The following ALDH1L2 variants were observed in gnomAD, a reference collection of about 807,000 sequenced individuals.
ALDH1L2 encodes mitochondrial 10-formyltetrahydrofolate dehydrogenase.
A neutral mutation model predicts 111.0 loss-of-function variants in ALDH1L2; 91 were observed. That is an observed-to-expected ratio of 0.82 (90% CI 0.69 to 0.98). ALDH1L2 has a LOEUF of 0.98. Ranked by LOEUF, ALDH1L2 falls within the 50% of genes least tolerant of loss-of-function variation. ALDH1L2 has a pLI of 0.00. For missense variants in ALDH1L2, 995 were observed against 1,126.8 expected (o/e 0.88, Z 1.67); for synonymous variants, 374 against 392.6 (o/e 0.95, Z 0.56).
intron 7 of ALDH1L2, 79 bp downstream of exon 7, chr12:105,062,809 G>C: frequency 6.6e-7 from 1 of 1,510,612 alleles, no homozygotes; most frequent in Non-Finnish European, 8.9e-7. Context: ...GCAATGGAGT[G>C]AAAGCTATTC....
At chr12:105,030,838 T>C (rs940112304) in intron 20 of ALDH1L2, among the ~76,000 whole-genome samples, 5 of 152,248 alleles carry the variant, frequency 3.3e-5, no homozygotes, top group African/African-American at 1.2e-4. Context: ...GTAAGTATTC[T>C]TTATTCAGAG....
intron 2 of ALDH1L2, among the ~76,000 whole-genome samples, chr12:105,071,789 A>G (rs926492621): frequency 3.1e-4 from 46 of 148,986 alleles, no homozygotes; most frequent in Non-Finnish European, 5.5e-4. Flanking sequence ...CCCGAGTAGT[A>G]TATATTTAAA....
intron 9 of ALDH1L2, among the ~76,000 whole-genome samples, chr12:105,060,129 T>C (rs540731644): frequency 2.0e-5 from 3 of 151,582 alleles, no homozygotes; most frequent in Non-Finnish European, 4.4e-5. Context: ...AGTAGCCTGA[T>C]AACCCTCATT....
chr12:105,072,928 C>T (rs1240497337), intron 2 of ALDH1L2, among the ~76,000 whole-genome samples: 5 of 152,106 alleles, frequency 3.3e-5, no homozygotes, highest in South Asian at 2.1e-4. Context: ...GAGCCGAGGT[C>T]GTGCCACTGC....
At chr12:105,028,407 C>T (rs1234887185) in intron 21 of ALDH1L2, among the ~76,000 whole-genome samples, 1 of 152,222 alleles carries the variant, frequency 6.6e-6, no homozygotes, top group Non-Finnish European at 1.5e-5. Flanking sequence ...GCCATTGCGC[C>T]TGGCCAAGCC....
At chr12:105,036,074 TTATA>T (rs1365077873) in intron 18 of ALDH1L2, among the ~76,000 whole-genome samples, 1 of 79,886 alleles carries the variant, frequency 1.3e-5, no homozygotes, top group Non-Finnish European at 2.1e-5. Context: ...ATACGTATAT[TTATA>T]TATGTGTATA....
intron 17 of ALDH1L2, 94 bp downstream of exon 17, chr12:105,039,619 G>A: frequency 1.1e-6 from 1 of 915,336 alleles, no homozygotes; most frequent in African/African-American, 1.6e-5. Flanking sequence ...CAAAGTTGAT[G>A]TAGTTTTTCT....
chr12:105,038,736 C>T (rs1196505497), intron 17 of ALDH1L2, among the ~76,000 whole-genome samples: 2 of 152,044 alleles, frequency 1.3e-5, no homozygotes, highest in Non-Finnish European at 2.9e-5. Flanking sequence ...ATGGTGATTA[C>T]CATTGAAGCT....
intron 12 of ALDH1L2, among the ~76,000 whole-genome samples, chr12:105,051,127 A>C: frequency 6.6e-6 from 1 of 152,184 alleles, no homozygotes; most frequent in Non-Finnish European, 1.5e-5. Context: ...CATCAAGTGG[A>C]TATAAAATGT....
At chr12:105,067,215 CA>C (rs11334156) in intron 4 of ALDH1L2, among the ~76,000 whole-genome samples, 62,828 of 97,532 alleles carry the variant, frequency 0.64, 17,719 homozygotes, top group East Asian at 0.79. Flanking sequence ...GACTCTGTCT[CA>C]AAAAAAAAAA....
rs1592756797 is a variant in ALDH1L2 at position 105,021,496 on chromosome 12, A to G, written c.*2928T>C. Reference sequence around the variant, plus strand: ...CTACTTGGAAGGCTAAGGCATGACAATCGCTTGAACCCAAGAGGCAGAGGT... The same window carrying G: ...CTACTTGGAAGGCTAAGGCATGACAGTCGCTTGAACCCAAGAGGCAGAGGT... On this transcript the variant is annotated 3_prime_UTR_variant, in exon 23 of 23. Transcript: ENST00000258494. The G allele has an allele frequency of 6.6e-6, 1 of 152,106 alleles. No individual in the cohort carries two copies. The highest frequency in any genetic ancestry group is 1.5e-5 in the Non-Finnish European group (1 of 68,158). 9.4% of individuals were successfully genotyped at this position (152,106 alleles called of 1,614,324 possible).
Position 105,040,609 on chromosome 12 carries a change from G to A in ALDH1L2, c.1949C>T (p.Ser650Leu). 1.2e-6 allele frequency: 2 copies of A among 1,614,046 alleles called. No homozygotes were observed. The highest frequency in any genetic ancestry group is 1.7e-6 in the Non-Finnish European group (2 of 1,179,928). The change falls in exon 16 of 23, where the codon TCA becomes TTA. Residue 650 changes from serine (S) to leucine (L), a missense_variant and splice_region_variant. Transcript: ENST00000258494. ...PKGVINIIPGSGGIAGQRLSE... is the reference protein window; with the variant it reads ...PKGVINIIPGLGGIAGQRLSE... ...CAGTCGGTCATTTAGTGGCTTACCT[G>A]AGCCTGGAATGATGTTGATGACCCC...
Position 105,073,895 on chromosome 12 carries a change from T to C in ALDH1L2, c.159A>G (p.Thr53=). 1 of 1,614,178 alleles carries C rather than the reference T, an allele frequency of 6.2e-7. No homozygotes were observed. The highest frequency in any genetic ancestry group is 8.5e-7 in the Non-Finnish European group (1 of 1,180,038). ...KEGHRVVGVF[T]VPDKDGKADP... is the part of the protein sequence containing the mutation. ...CAGCTTTTCCATCCTTGTCTGGAAC[T>C]GTGAACACCCCTACTACTCGGTGGC... The change falls in exon 2 of 23, where the codon ACA becomes ACG. Residue 53 remains threonine (T), a synonymous_variant. Coordinates refer to ENST00000258494, the MANE Select transcript of ALDH1L2 (RefSeq NM_001034173.4).
At chr12:105,026,408 G>A (rs912038518) in intron 22 of ALDH1L2, 137 bp downstream of exon 22, 11 of 877,352 alleles carry the variant, frequency 1.3e-5, no homozygotes, top group Admixed American at 2.7e-5. Context: ...TTTAAAAAAC[G>A]AATGCCCTTC....
intron 18 of ALDH1L2, among the ~76,000 whole-genome samples, chr12:105,035,293 G>A (rs942443422): frequency 2.6e-5 from 4 of 151,988 alleles, no homozygotes; most frequent in African/African-American, 9.7e-5. Context: ...ACATTAGATT[G>A]TATAATCACA....
At chr12:105,058,322 C>T in intron 9 of ALDH1L2, 102 bp from the exon 10 acceptor site, 2 of 1,202,742 alleles carry the variant, frequency 1.7e-6, no homozygotes, top group South Asian at 3.5e-5. Context: ...AGACTTACAT[C>T]ACATGCCTAT....
At chr12:105,071,705 G>A (rs1264679769) in intron 2 of ALDH1L2, among the ~76,000 whole-genome samples, 15 of 115,968 alleles carry the variant, frequency 1.3e-4, no homozygotes, top group African/African-American at 2.8e-4. Flanking sequence ...CGCCCAGGCC[G>A]GACTGCAGTG....
At chr12:105,037,444 C>T (rs1465736994) in intron 18 of ALDH1L2, among the ~76,000 whole-genome samples, 1 of 152,058 alleles carries the variant, frequency 6.6e-6, no homozygotes, top group Non-Finnish European at 1.5e-5. Flanking sequence ...ACCAGAAGCT[C>T]AATGTGCAAA....
chr12:105,070,464 G>A, intron 3 of ALDH1L2, 106 bp downstream of exon 3: 5 of 922,126 alleles, frequency 5.4e-6, no homozygotes, highest in South Asian at 1.8e-5. Context: ...CAGCTACTTG[G>A]GAGGCTGAGG....
Sources: allele counts gnomAD v4.1 joint callset (sites outside exome capture counted in the v4.1 genomes callset), GRCh38; gene constraint gnomAD v4.1.1; transcripts MANE v1.5; gene names NCBI Gene and HGNC (gene_info 2026-07-23, HGNC 2026-07-21).